Variants in COL23A1 observed in about 807,000 individuals in gnomAD.
COL23A1 encodes the protein collagen type XXIII alpha 1 chain.
COL23A1 carries 97 observed loss-of-function variants against 99.3 expected under a neutral mutation model. That is an observed-to-expected ratio of 0.98 (90% CI 0.83 to 1.16). COL23A1 has a LOEUF of 1.16. COL23A1 is among the 50% of genes most tolerant of loss of function. The pLI is 0.00. For missense variants in COL23A1, 762 were observed against 757.4 expected, an observed-to-expected ratio of 1.01 and a Z score of -0.07; for synonymous variants, 320 against 308.2, an observed-to-expected ratio of 1.04 and a Z score of -0.40.
In COL23A1 at chr5:178,357,474, C is replaced by T. The variant is rs775402723; in HGVS notation, c.362-50555G>A. Among the ~76,000 whole-genome samples the T allele has an allele frequency of 7.9e-5, 12 of 152,316 alleles. No homozygotes were observed. In the Middle Eastern group the frequency reaches 0.01, roughly 130 times the overall value. On this transcript the variant is annotated intron_variant, in intron 2 of 28. Coordinates refer to ENST00000390654, the MANE Select transcript of COL23A1 (RefSeq NM_173465.4). ...GGGAACAGCACACTGGGGAACTGTG[C>T]GCCTTTGAGGTTTTAACCGTCCGCT... is the stretch of plus-strand genomic sequence containing the variant.
At chr5:178,584,366 T>G (rs544927120) in intron 1 of COL23A1, among the ~76,000 whole-genome samples, 20 of 151,220 alleles carry the variant, frequency 1.3e-4, no homozygotes, top group African/African-American at 4.4e-4. Flanking sequence ...ACATATAAAT[T>G]TTTTTCTTTT....
chr5:178,245,017 CCAT>C (rs141586367), intron 25 of COL23A1, among the ~76,000 whole-genome samples: 3 of 143,980 alleles, frequency 2.1e-5, no homozygotes, highest in Admixed American at 1.4e-4. Flanking sequence ...CCCTCCACTG[CCAT>C]CATCATCCAT....
At chr5:178,295,516 C>A (rs528253493) in intron 3 of COL23A1, among the ~76,000 whole-genome samples, 19 of 152,310 alleles carry the variant, frequency 1.2e-4, no homozygotes, top group African/African-American at 4.6e-4. Context: ...GGACAGTCAC[C>A]TCACACACTG....
intron 16 of COL23A1, among the ~76,000 whole-genome samples, chr5:178,254,289 G>A (rs962817718): frequency 6.6e-6 from 1 of 151,912 alleles, no homozygotes; most frequent in Non-Finnish European, 1.5e-5. Context: ...ACCACGCCAC[G>A]CCACGCCACA....
In COL23A1 at chr5:178,378,656, G is replaced by T. The variant is rs890071379; in HGVS notation, c.362-71737C>A. Among the ~76,000 whole-genome samples the T allele has an allele frequency of 5.3e-5, 8 of 152,330 alleles. 2 individuals are homozygous for T. The highest frequency in any genetic ancestry group is 5.2e-4 in the Admixed American group (8 of 15,300). Reference sequence around the variant, plus strand: ...GCTGATGGGATGTGGGGTGGGGCCGGGCAGTTTGCAGGATACGCAGGGATG... The same window carrying T: ...GCTGATGGGATGTGGGGTGGGGCCGTGCAGTTTGCAGGATACGCAGGGATG... On this transcript the variant is annotated intron_variant, in intron 2 of 28. Transcript: ENST00000390654.
Position 178,257,557 on chromosome 5 carries a change from C to A in COL23A1, c.740G>T (p.Gly247Val). 1 of 1,560,148 alleles carries A rather than the reference C, an allele frequency of 6.4e-7. No individual in the cohort carries two copies. Among genetic ancestry groups the A allele is most frequent in the East Asian group, 2.4e-5 (1 of 41,792 alleles). The change falls in exon 13 of 29, where the codon GGG becomes GTG. Residue 247 changes from glycine to valine, a missense_variant. Physicochemically the swap from Gly to Val is moderately radical, Grantham distance 109. Transcript: ENST00000390654. ...TGGTGGTCCAGGCTGGCTTGGTGTC[C>A]CATCGTCGCCCTGAGGAGAGGACAC... ...PGVPGKKGDD[G>V]TPSQPGPPGP...
intron 3 of COL23A1, among the ~76,000 whole-genome samples, chr5:178,292,946 GC>G (rs1337210818): frequency 6.6e-6 from 1 of 152,260 alleles, no homozygotes; most frequent in East Asian, 1.9e-4. Flanking sequence ...CGAAGTAACT[GC>G]CCTGCTGATG....
intron 2 of COL23A1, among the ~76,000 whole-genome samples, chr5:178,386,439 C>CA (rs11329976): frequency 5.5e-4 from 76 of 137,942 alleles, no homozygotes; most frequent in East Asian, 6.4e-4. Flanking sequence ...ACTCCGTCTC[C>CA]AAAAAAAAAA....
At chr5:178,561,302 C>T (rs1030895010) in intron 1 of COL23A1, among the ~76,000 whole-genome samples, 5 of 152,220 alleles carry the variant, frequency 3.3e-5, no homozygotes, top group African/African-American at 1.2e-4. Flanking sequence ...ATTTTCCTTT[C>T]CTCTTACCAG....
Position 178,403,108 on chromosome 5 carries a change from C to CAAAAAA in COL23A1, c.362-96195_362-96190dup, listed in dbSNP as rs200567150. On this transcript the variant is annotated intron_variant, in intron 2 of 28. Transcript: ENST00000390654. ...TGGGCAACAGAGAGAGACTCCATCTCAAAAAAAAAAAAAATAAATAAATAA... is the reference window on the plus strand; with the variant it reads ...TGGGCAACAGAGAGAGACTCCATCTCAAAAAAAAAAAAAAAAAAAATAAATAAATAA... 5.8e-4 allele frequency among the ~76,000 whole-genome samples: 27 copies of CAAAAAA among 46,600 alleles called. 1 individual carries two copies. The highest frequency in any genetic ancestry group is 9.7e-4 in the African/African-American group (9 of 9,258). 30.6% of individuals were successfully genotyped at this position (46,600 alleles called of 152,430 possible). A position where few individuals can be genotyped will look rare whatever the true frequency, so the allele number is the denominator to read the frequency against.
rs571022768 is a variant in COL23A1 at position 178,425,241 on chromosome 5, G to A, written c.362-118322C>T. On this transcript the variant is annotated intron_variant, in intron 2 of 28. Transcript: ENST00000390654. The stretch of plus-strand genomic sequence containing the variant: ...AGTTCGAGACCAGCCTGACCAACAT[G>A]GGGAAACCCGGTCTCTACTAAAAAT... 7.6e-4 allele frequency among the ~76,000 whole-genome samples: 116 copies of A among 152,102 alleles called. 1 individual carries two copies. Among genetic ancestry groups the A allele is most frequent in the Non-Finnish European group, 1.4e-3 (98 of 67,982 alleles).
rs545204272 is a variant in COL23A1 at position 178,483,044 on chromosome 5, C to T, written c.361+77638G>A. 2.0e-5 allele frequency among the ~76,000 whole-genome samples: 3 copies of T among 151,878 alleles called. No homozygotes were observed. In the East Asian group the frequency reaches 5.8e-4, roughly 29 times the overall value. ...TTATGATCACACCACTGCACACCAGCCTGGGAAACAGAGTAAGACTCTGTC... is the reference window on the plus strand; with the variant it reads ...TTATGATCACACCACTGCACACCAGTCTGGGAAACAGAGTAAGACTCTGTC... On this transcript the variant is annotated intron_variant, in intron 2 of 28. Transcript: ENST00000390654.
intron 1 of COL23A1, among the ~76,000 whole-genome samples, chr5:178,570,989 G>A (rs1763065106): frequency 6.6e-6 from 1 of 152,102 alleles, no homozygotes; most frequent in Non-Finnish European, 1.5e-5. Context: ...GGGCACCGCA[G>A]ACAGCATTCA....
intron 5 of COL23A1, among the ~76,000 whole-genome samples, chr5:178,272,312 T>A (rs931418541): frequency 6.6e-6 from 1 of 152,186 alleles, no homozygotes; most frequent in Non-Finnish European, 1.5e-5. Context: ...CCAGACTGCC[T>A]CGTATGGAGA....
At chr5:178,301,506 T>A (rs1758030918) in intron 3 of COL23A1, among the ~76,000 whole-genome samples, 1 of 152,230 alleles carries the variant, frequency 6.6e-6, no homozygotes, top group Admixed American at 6.5e-5. Context: ...AATTTTTTGC[T>A]AAAAATTGGA....
chr5:178,587,714 T>A (rs2113767608), intron 1 of COL23A1, among the ~76,000 whole-genome samples: 1 of 152,346 alleles, frequency 6.6e-6, no homozygotes, highest in Admixed American at 6.5e-5. Context: ...TGAAAAAGTA[T>A]CTATACATCT....
At chr5:178,326,237 CAT>C (rs754859612) in intron 2 of COL23A1, among the ~76,000 whole-genome samples, 28 of 152,184 alleles carry the variant, frequency 1.8e-4, no homozygotes, top group Non-Finnish European at 3.1e-4. Context: ...CCATAGCCAG[CAT>C]ATGTTTCTTG....
intron 2 of COL23A1, among the ~76,000 whole-genome samples, chr5:178,512,744 G>A (rs1350443779): frequency 1.3e-5 from 2 of 152,118 alleles, no homozygotes; most frequent in Non-Finnish European, 2.9e-5. Context: ...ACATTCTCAC[G>A]CCCCCTTCCA....
chr5:178,402,352 T>G lies in COL23A1; in HGVS notation c.362-95433A>C, dbSNP rs138124015. ...AAAACAGAGACACAGAAAAACATATTTGGAGCCAAAAAAAGTAGCTCTCAC... is the reference window on the plus strand; with the variant it reads ...AAAACAGAGACACAGAAAAACATATGTGGAGCCAAAAAAAGTAGCTCTCAC... On this transcript the variant is annotated intron_variant, in intron 2 of 28. Transcript: ENST00000390654. Among the ~76,000 whole-genome samples, 170 of 152,124 alleles carry G rather than the reference T, an allele frequency of 1.1e-3. 1 individual carries two copies. Among genetic ancestry groups the G allele is most frequent in the African/African-American group, 3.9e-3 (161 of 41,510 alleles).
Sources: allele counts gnomAD v4.1 joint callset (sites outside exome capture counted in the v4.1 genomes callset), GRCh38; gene constraint gnomAD v4.1.1; transcripts MANE v1.5; gene names NCBI Gene and HGNC (gene_info 2026-07-23, HGNC 2026-07-21).